RBPMS2: variants seen among roughly 807,000 people sequenced by gnomAD.
RBPMS2 encodes the protein RNA-binding protein with multiple splicing 2.
Under a neutral mutation model 25.7 loss-of-function variants are expected in RBPMS2, and 14 were observed. That is an observed-to-expected ratio of 0.55 (90% CI 0.36 to 0.85). RBPMS2 has a LOEUF of 0.85. Among genes scored for constraint, RBPMS2 ranks in the 40% least tolerant of loss-of-function variants. The pLI is 0.01. For missense variants in RBPMS2, 252 were observed against 283.4 expected, an observed-to-expected ratio of 0.89 and a Z score of 0.80; for synonymous variants, 127 against 115.6, an observed-to-expected ratio of 1.10 and a Z score of -0.63.
At chr15:64,763,945 C>G (rs571348684) in intron 1 of RBPMS2, among the ~76,000 whole-genome samples, 2 of 152,298 alleles carry the variant, frequency 1.3e-5, no homozygotes, top group East Asian at 3.9e-4. Flanking sequence ...GGAAGAGAAG[C>G]CTTAATGTCG....
At position 64,769,614 on chromosome 15, in the gene RBPMS2, C is replaced by T. The variant is rs563653658; in HGVS notation, c.87+5619G>A. ...GGCAGAGCTTGCAGTGAGCTGAGAT[C>T]GCGCCACTGCACTTCAGCCTGGGCG... On this transcript the variant is annotated intron_variant, in intron 1 of 7. Transcript: ENST00000300069. Among the ~76,000 whole-genome samples the T allele has an allele frequency of 1.8e-4, 28 of 151,776 alleles. No individual in the cohort carries two copies. The South Asian group carries it at 3.7e-3, about 20-fold the overall frequency.
chr15:64,771,013 G>A (rs1027047296), intron 1 of RBPMS2, among the ~76,000 whole-genome samples: 2 of 152,186 alleles, frequency 1.3e-5, no homozygotes, highest in African/African-American at 4.8e-5. Flanking sequence ...AGGTCAAACT[G>A]TAGCCCCCTT....
At chr15:64,749,324 TGTC>T in intron 4 of RBPMS2, 104 bp downstream of exon 4, 1 of 1,313,242 alleles carries the variant, frequency 7.6e-7, no homozygotes, top group Non-Finnish European at 1.1e-6. Context: ...GCACAGACAG[TGTC>T]GCCAAGGACT....
At chr15:64,770,793 C>G (rs2083887525) in intron 1 of RBPMS2, among the ~76,000 whole-genome samples, 1 of 152,122 alleles carries the variant, frequency 6.6e-6, no homozygotes, top group African/African-American at 2.4e-5. Flanking sequence ...CACCCCCCTC[C>G]CCGTTCCATC....
At chr15:64,758,245 C>A (rs2083751958) in intron 1 of RBPMS2, among the ~76,000 whole-genome samples, 2 of 152,194 alleles carry the variant, frequency 1.3e-5, no homozygotes, top group African/African-American at 4.8e-5. Context: ...GCAGAAGCAT[C>A]CAGCAACCCA....
chr15:64,748,402 A>C lies in RBPMS2; in HGVS notation c.567+17T>G, dbSNP rs2083638650. Reference sequence around the variant, plus strand: ...AGAGCCCTTGTTCTTCGCCCTCCCCAACCTTAAAGGGCTTACCTGAGCGTG... The same window carrying C: ...AGAGCCCTTGTTCTTCGCCCTCCCCCACCTTAAAGGGCTTACCTGAGCGTG... On this transcript the variant is annotated intron_variant, in intron 6 of 7. Coordinates refer to ENST00000300069, the MANE Select transcript of RBPMS2 (RefSeq NM_194272.3). 3.7e-6 allele frequency: 6 copies of C among 1,612,160 alleles called. No homozygotes were observed. In the East Asian group the frequency reaches 1.3e-4, roughly 36 times the overall value.
At chr15:64,766,760 A>C (rs534074198) in intron 1 of RBPMS2, among the ~76,000 whole-genome samples, 15 of 151,704 alleles carry the variant, frequency 9.9e-5, no homozygotes, top group African/African-American at 3.6e-4. Flanking sequence ...CGATCTCCTA[A>C]CCTCGTGATC....
At position 64,741,073 on chromosome 15, in the gene RBPMS2, C is replaced by T. The variant is rs111579072; in HGVS notation, c.*8-73G>A. 22 of 886,162 alleles carry T rather than the reference C, an allele frequency of 2.5e-5. No individual in the cohort carries two copies. The African/African-American group carries it at 2.8e-4, about 11-fold the overall frequency. 54.9% of individuals were successfully genotyped at this position (886,162 alleles called of 1,614,324 possible). On this transcript the variant is annotated intron_variant, in intron 7 of 7. Coordinates refer to ENST00000300069, the MANE Select transcript of RBPMS2 (RefSeq NM_194272.3). ...GCTAAAGCCAGGCCTGCTCTGGGCT[C>T]GGCTAAGCTCTTGAGACCCGGGGCA...
chr15:64,751,731 T>C (rs922647864), intron 1 of RBPMS2, 93 bp from the exon 2 acceptor site: 10 of 1,009,578 alleles, frequency 9.9e-6, no homozygotes, highest in Non-Finnish European at 1.5e-5. Flanking sequence ...GGAATCCTTC[T>C]AGAGCTTAGA....
chr15:64,741,338 G>T, intron 6 of RBPMS2, 96 bp from the exon 7 acceptor site: 1 of 946,396 alleles, frequency 1.1e-6, no homozygotes, highest in Non-Finnish European at 1.7e-6. Flanking sequence ...CTGGAGTCCT[G>T]GTTCTGTCAC....
At chr15:64,748,597 C>A in intron 5 of RBPMS2, 30 bp from the exon 6 acceptor site, 1 of 1,518,766 alleles carries the variant, frequency 6.6e-7, no homozygotes, top group Non-Finnish European at 8.8e-7. Flanking sequence ...CCTCCATCAT[C>A]AGAACACTCG....
rs567081310 is a variant in RBPMS2 at position 64,760,396 on chromosome 15, C to T, written c.88-8758G>A. Among the ~76,000 whole-genome samples, 18 of 152,304 alleles carry T rather than the reference C, an allele frequency of 1.2e-4. No individual in the cohort carries two copies. In the South Asian group the frequency reaches 1.5e-3, roughly 12 times the overall value. On this transcript the variant is annotated intron_variant, in intron 1 of 7. Transcript: ENST00000300069. ...ATACTGTGACCATGAGGACAAGTTC[C>T]GTAAGTGCTGGCTTTTATTAGTGAT...
intron 1 of RBPMS2, among the ~76,000 whole-genome samples, chr15:64,763,211 G>C (rs2083808765): frequency 6.6e-6 from 1 of 152,108 alleles, no homozygotes; most frequent in Admixed American, 6.5e-5. Flanking sequence ...TGGCGACATG[G>C]CCTGCAGACC....
At chr15:64,743,289 C>T (rs905223423) in intron 6 of RBPMS2, among the ~76,000 whole-genome samples, 19 of 152,374 alleles carry the variant, frequency 1.2e-4, no homozygotes, top group African/African-American at 4.6e-4. Context: ...CCGCCCTCAG[C>T]ATATCTGCTG....
In RBPMS2 at chr15:64,775,227, A is replaced by AC; in HGVS notation, c.87+5dup. On this transcript the variant is annotated splice_donor_region_variant and intron_variant, in intron 1 of 7. Coordinates refer to ENST00000300069, the MANE Select transcript of RBPMS2 (RefSeq NM_194272.3). Reference sequence around the variant, plus strand: ...CACCCGGCAAGTCCCGGGGCCACAGACCCACCTCCTCCTCCAGGGCGCCGC... The same window carrying AC: ...CACCCGGCAAGTCCCGGGGCCACAGACCCCACCTCCTCCTCCAGGGCGCCGC... 2 of 1,274,710 alleles carry AC rather than the reference A, an allele frequency of 1.6e-6. No homozygotes were observed. The highest frequency in any genetic ancestry group is 2.0e-6 in the Non-Finnish European group (2 of 1,007,584). The allele number at this position is 1,274,710 out of a possible 1,614,324, so 79.0% of individuals were successfully genotyped here.
chr15:64,759,879 G>A (rs2083767508), intron 1 of RBPMS2, among the ~76,000 whole-genome samples: 2 of 152,174 alleles, frequency 1.3e-5, no homozygotes, highest in South Asian at 4.1e-4. Context: ...CGCCATGTTG[G>A]CCAGGATGGT....
Position 64,750,338 on chromosome 15 carries a change from A to G in RBPMS2, c.204+5T>C, listed in dbSNP as rs1224409896. Reference sequence around the variant, plus strand: ...GGAGGAAGAAAACCCTAGGAGAGAAATTACCTGTCTTGCAGTGAGCTTGAT... The same window carrying G: ...GGAGGAAGAAAACCCTAGGAGAGAAGTTACCTGTCTTGCAGTGAGCTTGAT... On this transcript the variant is annotated splice_donor_5th_base_variant and intron_variant, in intron 3 of 7. Coordinates refer to ENST00000300069, the MANE Select transcript of RBPMS2 (RefSeq NM_194272.3). 1.2e-6 allele frequency: 2 copies of G among 1,613,236 alleles called. No homozygotes were observed. The highest frequency in any genetic ancestry group is 1.7e-6 in the Non-Finnish European group (2 of 1,179,342).
At chr15:64,748,828 A>G (rs1161501551) in intron 5 of RBPMS2, among the ~76,000 whole-genome samples, 172 bp downstream of exon 5, 1 of 152,236 alleles carries the variant, frequency 6.6e-6, no homozygotes, top group African/African-American at 2.4e-5. Context: ...AAGCCCTGGC[A>G]GCTCAGAAAT....
At chr15:64,749,855 A>C (rs1008271754) in intron 3 of RBPMS2, among the ~76,000 whole-genome samples, 2 of 152,226 alleles carry the variant, frequency 1.3e-5, no homozygotes, top group Non-Finnish European at 2.9e-5. Flanking sequence ...AGGGGACACC[A>C]ATGTATCAAG....
Sources: gnomAD v4.1 joint callset for allele counts (sites outside exome capture counted in the v4.1 genomes callset) on GRCh38, gnomAD v4.1.1 for gene constraint, MANE v1.5 for transcripts, NCBI Gene and HGNC (gene_info 2026-07-23, HGNC 2026-07-21) for gene names.